PSME1: variants seen among roughly 807,000 people sequenced by gnomAD.
PSME1 encodes proteasome activator complex subunit 1.
A neutral mutation model predicts 38.4 loss-of-function variants in PSME1; 15 were observed. The ratio of observed to expected loss-of-function variants is 0.39; its 90% CI spans 0.26 to 0.60. The LOEUF is 0.60. Ranked by LOEUF, PSME1 falls within the 20% of genes least tolerant of loss-of-function variation. PSME1 has a pLI of 0.53. For synonymous variants in PSME1, 106 were observed against 106.8 expected (o/e 0.99, Z 0.05); for missense variants, 249 against 305.6 (o/e 0.81, Z 1.38).
At position 24,137,741 on chromosome 14, in the gene PSME1, G is replaced by C. The variant is rs2037935558; in HGVS notation, c.334G>C (p.Val112Leu). 6.2e-7 allele frequency: 1 copy of C among 1,614,108 alleles called. No individual in the cohort carries two copies. The highest frequency in any genetic ancestry group is 1.3e-5 in the African/African-American group (1 of 74,934). The change falls in exon 6 of 11, where the codon GTC becomes CTC. Residue 112 changes from valine (V) to leucine (L), a missense_variant. By Grantham distance (32) the Val-to-Leu change is conservative. Transcript: ENST00000206451. Reference sequence around the variant, plus strand: ...AGTGAACTGCAATGAAAAGATCGTGGTCCTTCTGCAGCGCTTGAAGCCTGA... The same window carrying C: ...AGTGAACTGCAATGAAAAGATCGTGCTCCTTCTGCAGCGCTTGAAGCCTGA... ...GPVNCNEKIV[V>L]LLQRLKPEIK...
In PSME1 at chr14:24,137,235, T is replaced by C. The variant is rs765494330; in HGVS notation, c.135+30T>C. 2.5e-6 allele frequency: 4 copies of C among 1,611,918 alleles called. No individual in the cohort carries two copies. In the South Asian group the frequency reaches 3.3e-5, roughly 13 times the overall value. ...CGCGGCTGGGCAGGGAGCTAGGGAG[T>C]AAAGGCCAAGAGAAGAGTCTGGAGG... On this transcript the variant is annotated intron_variant, in intron 3 of 10. Transcript: ENST00000206451.
chr14:24,136,223 A>G lies in PSME1; in HGVS notation c.-40A>G, dbSNP rs1157537277. ...CTTTCGCTTTCCCTTCGCGGTGCCC[A>G]CTCCACTCCTTGTGCGGCGCTAGGC... On this transcript the variant is annotated 5_prime_UTR_variant, in exon 1 of 11. Transcript: ENST00000206451. This position sits in a 1 kb window ranked among gnomAD's most constrained non-coding sequence, Gnocchi z 4.8. 1 of 1,514,064 alleles carries G rather than the reference A, an allele frequency of 6.6e-7. No individual in the cohort carries two copies. 93.8% of individuals were successfully genotyped at this position (1,514,064 alleles called of 1,614,324 possible). A position where few individuals can be genotyped will look rare whatever the true frequency, so the allele number is the denominator to read the frequency against.
Position 24,137,194 on chromosome 14 carries a change from G to A in PSME1, c.124G>A (p.Ala42Thr). The A allele has an allele frequency of 6.2e-7, 1 of 1,614,176 alleles. No individual in the cohort carries two copies. The highest frequency in any genetic ancestry group is 8.5e-7 in the Non-Finnish European group (1 of 1,180,014). The change falls in exon 3 of 11, where the codon GCA becomes ACA. Residue 42 changes from alanine (A) to threonine (T), a missense_variant. Coordinates refer to ENST00000206451, the MANE Select transcript of PSME1 (RefSeq NM_006263.4). ...CCCCAAGAAGATTTCTGAGCTGGAT[G>A]CATTTTTAAAGGTACCGCGGCTGGG... ...YFPKKISELD[A>T]FLKEPALNEA...
chr14:24,138,036 T>G lies in PSME1; in HGVS notation c.391-13T>G, dbSNP rs1412636832. On this transcript the variant is annotated splice_polypyrimidine_tract_variant and intron_variant, in intron 6 of 10. Coordinates refer to ENST00000206451, the MANE Select transcript of PSME1 (RefSeq NM_006263.4). ...GAGGGCTGATGTGGCATTATGCCAT[T>G]CCCTCTTCCCAGGTCACCACCTGGT... The G allele has an allele frequency of 6.2e-7, 1 of 1,613,900 alleles. No individual in the cohort carries two copies. Among genetic ancestry groups the G allele is most frequent in the Non-Finnish European group, 8.5e-7 (1 of 1,179,758 alleles).
In PSME1 at chr14:24,136,850, G is replaced by C; in HGVS notation, c.40-135G>C. On this transcript the variant is annotated intron_variant, in intron 1 of 10. Transcript: ENST00000206451. This position sits in a 1 kb window ranked among gnomAD's most constrained non-coding sequence, Gnocchi z 4.8. ...AACCCACCCTACAGGCATCCATCTC[G>C]CTTTCTTCAGGTCTGGCCTTAGAGG... 2 of 1,006,868 alleles carry C rather than the reference G, an allele frequency of 2.0e-6. No homozygotes were observed. The highest frequency in any genetic ancestry group is 2.7e-5 in the South Asian group (2 of 73,284). 62.4% of individuals were successfully genotyped at this position (1,006,868 alleles called of 1,614,324 possible).
Position 24,138,721 on chromosome 14 carries a change from T to C in PSME1, c.670-15T>C. ...CTGGAGGCCTCTGACTGACCTCTAC[T>C]CCCTGGCCCTGTAGGCTGTGTTATA... On this transcript the variant is annotated splice_polypyrimidine_tract_variant and intron_variant, in intron 10 of 10. Transcript: ENST00000206451. The C allele has an allele frequency of 6.2e-7, 1 of 1,614,104 alleles. No individual in the cohort carries two copies. Among genetic ancestry groups the C allele is most frequent in the Non-Finnish European group, 8.5e-7 (1 of 1,180,014 alleles).
Position 24,137,017 on chromosome 14 carries a change from G to A in PSME1, c.72G>A (p.Lys24=). The part of the protein sequence containing the change: ...VDVFREDLCT[K]TENLLGSYFP... ...TGTTTCGTGAAGACCTCTGTACCAAGGTAAGACATGCCCCATCAGCGTGGC... is the reference window on the plus strand; with the variant it reads ...TGTTTCGTGAAGACCTCTGTACCAAAGTAAGACATGCCCCATCAGCGTGGC... Residue 24 remains lysine (K), a splice_region_variant and synonymous_variant, in exon 2 of 11, where the codon AAG becomes AAA. Coordinates refer to ENST00000206451, the MANE Select transcript of PSME1 (RefSeq NM_006263.4). 6.2e-7 allele frequency: 1 copy of A among 1,614,172 alleles called. No individual in the cohort carries two copies. The highest frequency in any genetic ancestry group is 8.5e-7 in the Non-Finnish European group (1 of 1,180,034).
Position 24,136,893 on chromosome 14 carries a change from C to T in PSME1, c.40-92C>T. On this transcript the variant is annotated intron_variant, in intron 1 of 10. Transcript: ENST00000206451. This position sits in a 1 kb window ranked among gnomAD's most constrained non-coding sequence, Gnocchi z 4.8. The stretch of plus-strand genomic sequence containing the variant: ...CTTAGAGGGATCCCCTCCACCCTTC[C>T]CCAGGTCAGGCCCTACATAACCCTA... 1.3e-6 allele frequency: 2 copies of T among 1,507,852 alleles called. No homozygotes were observed. Among genetic ancestry groups the T allele is most frequent in the East Asian group, 4.5e-5 (2 of 44,332 alleles). 93.4% of individuals were successfully genotyped at this position (1,507,852 alleles called of 1,614,324 possible).
rs2139042400 is a variant in PSME1 at position 24,136,563 on chromosome 14, A to T, written c.39+262A>T. ...CTGGCCTGGGGCCGGGGCCACACACAGACTGGGTGCGGGACTGCCCCAGCT... is the reference window on the plus strand; with the variant it reads ...CTGGCCTGGGGCCGGGGCCACACACTGACTGGGTGCGGGACTGCCCCAGCT... On this transcript the variant is annotated intron_variant, in intron 1 of 10. Coordinates refer to ENST00000206451, the MANE Select transcript of PSME1 (RefSeq NM_006263.4). The surrounding 1 kb of genome is among the most constrained non-coding windows in gnomAD (Gnocchi z 4.8). Among the ~76,000 whole-genome samples, 1 of 152,210 alleles carries T rather than the reference A, an allele frequency of 6.6e-6. No homozygotes were observed. Among genetic ancestry groups the T allele is most frequent in the African/African-American group, 2.4e-5 (1 of 41,534 alleles).
In PSME1 at chr14:24,137,942, T is replaced by C. The variant is rs2037940755; in HGVS notation, c.391-107T>C. ...GAAGTCCAGGCCCTGGGGCTCAGGATAGACCCGGCACGCCTCCACCCAGTG... is the reference window on the plus strand; with the variant it reads ...GAAGTCCAGGCCCTGGGGCTCAGGACAGACCCGGCACGCCTCCACCCAGTG... On this transcript the variant is annotated intron_variant, in intron 6 of 10. Transcript: ENST00000206451. The C allele has an allele frequency of 3.3e-6, 5 of 1,506,966 alleles. No individual in the cohort carries two copies. In the East Asian group the frequency reaches 9.0e-5, roughly 27 times the overall value. The allele number at this position is 1,506,966 out of a possible 1,614,324, so 93.3% of individuals were successfully genotyped here.
At position 24,136,821 on chromosome 14, in the gene PSME1, C is replaced by T. The variant is rs528458071; in HGVS notation, c.40-164C>T. 3 of 778,758 alleles carry T rather than the reference C, an allele frequency of 3.9e-6. No individual in the cohort carries two copies. In the East Asian group the frequency reaches 8.0e-5, roughly 21 times the overall value. 48.2% of individuals were successfully genotyped at this position (778,758 alleles called of 1,614,324 possible). A position where few individuals can be genotyped will look rare whatever the true frequency, so the allele number is the denominator to read the frequency against. On this transcript the variant is annotated intron_variant, in intron 1 of 10. Transcript: ENST00000206451. This position sits in a 1 kb window ranked among gnomAD's most constrained non-coding sequence, Gnocchi z 4.8. ...CTGCAGAGATCCACCTTCTCCACCACCCCAACCCACCCTACAGGCATCCAT... is the reference window on the plus strand; with the variant it reads ...CTGCAGAGATCCACCTTCTCCACCATCCCAACCCACCCTACAGGCATCCAT...
chr14:24,137,632 C>A lies in PSME1; in HGVS notation c.292+67C>A, dbSNP rs368268177. ...TCACAGGAGCTCCTCCTAAGGATTT[C>A]TTTCCAGTCTCCCCTTCGCCCCTCA... On this transcript the variant is annotated intron_variant, in intron 5 of 10. Transcript: ENST00000206451. 524 of 1,611,372 alleles carry A rather than the reference C, an allele frequency of 3.3e-4. 3 individuals carry two copies. The highest frequency in any genetic ancestry group is 1.2e-3 in the South Asian group (109 of 91,024).
In PSME1 at chr14:24,136,475, G is replaced by T. The variant is rs1388701850; in HGVS notation, c.39+174G>T. On this transcript the variant is annotated intron_variant, in intron 1 of 10. Transcript: ENST00000206451. This position sits in a 1 kb window ranked among gnomAD's most constrained non-coding sequence, Gnocchi z 4.8. ...CGGCGACTGCTGCCTGCGGGGAGAGGCGAGGCGGCCGTGGTTCTGCGGGGT... is the reference window on the plus strand; with the variant it reads ...CGGCGACTGCTGCCTGCGGGGAGAGTCGAGGCGGCCGTGGTTCTGCGGGGT... The T allele has an allele frequency of 1.6e-6, 1 of 609,084 alleles. No homozygotes were observed. The highest frequency in any genetic ancestry group is 2.6e-6 in the Non-Finnish European group (1 of 383,380). The allele number at this position is 609,084 out of a possible 1,614,324, so 37.7% of individuals were successfully genotyped here. A position where few individuals can be genotyped will look rare whatever the true frequency, so the allele number is the denominator to read the frequency against.
At position 24,136,369 on chromosome 14, in the gene PSME1, G is replaced by C. The variant is rs957039869; in HGVS notation, c.39+68G>C. On this transcript the variant is annotated intron_variant, in intron 1 of 10. Coordinates refer to ENST00000206451, the MANE Select transcript of PSME1 (RefSeq NM_006263.4). The surrounding 1 kb of genome is among the most constrained non-coding windows in gnomAD (Gnocchi z 4.8). ...GGCTGGAGCGGCCGGGGGCATCCCCGACCCGCCCCCCAGGCTCCCACGCGA... is the reference window on the plus strand; with the variant it reads ...GGCTGGAGCGGCCGGGGGCATCCCCCACCCGCCCCCCAGGCTCCCACGCGA... The C allele has an allele frequency of 5.0e-6, 7 of 1,410,930 alleles. No individual in the cohort carries two copies. The highest frequency in any genetic ancestry group is 1.4e-5 in the South Asian group (1 of 70,938). 87.4% of individuals were successfully genotyped at this position (1,410,930 alleles called of 1,614,324 possible).
rs141492772 is a variant in PSME1, at chr14:24,138,084, T to A, written c.426T>A (p.Ile142=). The part of the protein sequence containing the change: ...TTWLQLQIPR[I]EDGNNFGVAV... ...GGTTGCAGCTGCAGATACCTCGGAT[T>A]GAGGATGGTAACAATTTTGGAGTGG... Residue 142 remains isoleucine (I), a synonymous_variant, in exon 7 of 11, where the codon ATT becomes ATA. Coordinates refer to ENST00000206451, the MANE Select transcript of PSME1 (RefSeq NM_006263.4). 2 of 1,614,176 alleles carry A rather than the reference T, an allele frequency of 1.2e-6. No homozygotes were observed. Among genetic ancestry groups the A allele is most frequent in the Admixed American group, 3.3e-5 (2 of 60,018 alleles).
intron 2 of PSME1, 30 bp from the exon 3 acceptor site, chr14:24,137,113 C>T: frequency 6.2e-7 from 1 of 1,613,994 alleles, no homozygotes; most frequent in Non-Finnish European, 8.5e-7. Flanking sequence ...TGCTGACTCC[C>T]ATCCTCCTCC....
chr14:24,137,880 C>T, intron 6 of PSME1, 83 bp downstream of exon 6: 1 of 1,536,856 alleles, frequency 6.5e-7, no homozygotes, highest in Non-Finnish European at 9.0e-7. Context: ...TGGCACTTGC[C>T]AGGTTTTAGC....
At position 24,137,365 on chromosome 14, in the gene PSME1, A is replaced by G. The variant is rs1042638955; in HGVS notation, c.180A>G (p.Pro60=). ...CCAACTTGAGCAATCTGAAGGCCCC[A>G]TTGGACATCCCAGTGCCTGATCCAG... ...NEANLSNLKA[P]LDIPVPDPVK... The change falls in exon 4 of 11, where the codon CCA becomes CCG. Residue 60 remains proline (P), a synonymous_variant. Coordinates refer to ENST00000206451, the MANE Select transcript of PSME1 (RefSeq NM_006263.4). 9 of 1,614,108 alleles carry G rather than the reference A, an allele frequency of 5.6e-6. No individual in the cohort carries two copies. The highest frequency in any genetic ancestry group is 1.1e-5 in the South Asian group (1 of 91,086).
At position 24,138,553 on chromosome 14, in the gene PSME1, A is replaced by G. The variant is rs778690376; in HGVS notation, c.662A>G (p.Asn221Ser). The G allele has an allele frequency of 2.5e-6, 4 of 1,613,934 alleles. No homozygotes were observed. Among genetic ancestry groups the G allele is most frequent in the South Asian group, 1.1e-5 (1 of 91,072 alleles). The stretch of plus-strand genomic sequence containing the variant: ...CGGCTGATGGTCATGGAGATCCGCA[A>G]TGCTTATGTGAGGAGGCAAGGGCAG... ...DIRLMVMEIR[N>S]AYAVLYDIIL... The change falls in exon 10 of 11, where the codon AAT (asparagine) becomes AGT (serine). Residue 221 changes from asparagine to serine, a missense_variant. Physicochemically the swap from Asn to Ser is conservative, Grantham distance 46. Transcript: ENST00000206451.
Sources: gnomAD v4.1 joint callset for allele counts (sites outside exome capture counted in the v4.1 genomes callset) on GRCh38, gnomAD v4.1.1 for gene constraint, Gnocchi (gnomAD v3.1) non-coding constraint, MANE v1.5 for transcripts, NCBI Gene and HGNC (gene_info 2026-07-23, HGNC 2026-07-21) for gene names.